AMZ2: variants seen among roughly 807,000 people sequenced by gnomAD.
AMZ2 encodes the protein archaelysin family metallopeptidase 2.
AMZ2 carries 26 observed loss-of-function variants against 36.7 expected under a neutral mutation model. The ratio of observed to expected loss-of-function variants is 0.71; its 90% CI spans 0.52 to 0.98. The LOEUF (loss-of-function observed/expected upper bound fraction) is 0.98. Among genes scored for constraint, AMZ2 ranks in the 50% least tolerant of loss-of-function variants. AMZ2 has a pLI of 0.00. For missense variants in AMZ2, 394 were observed against 430.5 expected, an observed-to-expected ratio of 0.92 and a Z score of 0.75; for synonymous variants, 144 against 149.1, an observed-to-expected ratio of 0.97 and a Z score of 0.25.
At chr17:68,214,614 C>A (rs1239293703) in intron 1 of AMZ2, among the ~76,000 whole-genome samples, 1 of 152,122 alleles carries the variant, frequency 6.6e-6, no homozygotes. Flanking sequence ...TAGAGACACC[C>A]CTCCTTGTTA....
intron 1 of AMZ2, among the ~76,000 whole-genome samples, chr17:68,218,564 A>C (rs1373474347): frequency 3.3e-5 from 5 of 152,186 alleles, no homozygotes; most frequent in African/African-American, 1.2e-4. Flanking sequence ...AAATCTATAC[A>C]GCTTTCTACT....
rs2074965347 is a variant in AMZ2 at position 68,257,104 on chromosome 17, A to G, written c.*135A>G. On this transcript the variant is annotated 3_prime_UTR_variant, in exon 7 of 7. Coordinates refer to ENST00000359904, the MANE Select transcript of AMZ2 (RefSeq NM_016627.5). ...AACAGACTAGAACCTTCTTTCAAGT[A>G]CCTGAATTGAAATGAAACTCATTTT... 3.6e-6 allele frequency: 3 copies of G among 836,654 alleles called. No individual in the cohort carries two copies. The highest frequency in any genetic ancestry group is 1.8e-5 in the African/African-American group (1 of 56,652). 51.8% of individuals were successfully genotyped at this position (836,654 alleles called of 1,614,324 possible). A position where few individuals can be genotyped will look rare whatever the true frequency, so the allele number is the denominator to read the frequency against.
At chr17:68,253,738 T>C (rs115399823) in intron 4 of AMZ2, among the ~76,000 whole-genome samples, 2,428 of 149,340 alleles carry the variant, frequency 0.016, 57 homozygotes, top group African/African-American at 0.057. Flanking sequence ...AGTGAAATCA[T>C]GACTTCCTAT....
At chr17:68,221,469 C>G (rs1555728531) in intron 1 of AMZ2, among the ~76,000 whole-genome samples, 1 of 152,108 alleles carries the variant, frequency 6.6e-6, no homozygotes, top group African/African-American at 2.4e-5. Context: ...GTGGCTCACG[C>G]CTGTAATCCC....
chr17:68,251,487 C>T, intron 4 of AMZ2: 1 of 205,464 alleles, frequency 4.9e-6, no homozygotes, highest in South Asian at 8.7e-5. Context: ...GACCACATGT[C>T]TACAAAAAAA....
At position 68,248,302 on chromosome 17, in the gene AMZ2, T is replaced by C. The variant is rs1599397716; in HGVS notation, c.-404T>C. 25 of 985,890 alleles carry C rather than the reference T, an allele frequency of 2.5e-5. 2 individuals carry two copies. In the African/African-American group the frequency reaches 2.6e-4, roughly 10 times the overall value. 61.1% of individuals were successfully genotyped at this position (985,890 alleles called of 1,614,324 possible). ...CCAGGGAGGCCTTTCCCGAGGCTCC[T>C]GGGGAAGAAGAGGCGAAGCGAGAGT... On this transcript the variant is annotated 5_prime_UTR_variant, in exon 1 of 7. Coordinates refer to ENST00000359904, the MANE Select transcript of AMZ2 (RefSeq NM_016627.5).
At chr17:68,224,542 C>CTTT (rs34837469) in intron 1 of AMZ2, among the ~76,000 whole-genome samples, 36 of 137,180 alleles carry the variant, frequency 2.6e-4, no homozygotes, top group East Asian at 2.6e-3. Flanking sequence ...TTGGGGGTAG[C>CTTT]TTTTTTTTTT....
intron 1 of AMZ2, among the ~76,000 whole-genome samples, chr17:68,210,550 T>C (rs2073012905): frequency 6.6e-6 from 1 of 152,176 alleles, no homozygotes; most frequent in South Asian, 2.1e-4. Flanking sequence ...GGGGAGTTAG[T>C]GCTTAATAGG....
chr17:68,211,895 G>A (rs72847817), intron 1 of AMZ2, among the ~76,000 whole-genome samples: 27,020 of 136,728 alleles, frequency 0.2, 3,885 homozygotes, highest in Non-Finnish European at 0.24. Flanking sequence ...TATATGCCTT[G>A]AGTCTTTTTT....
At chr17:68,237,258 C>T (rs1555732816) in intron 1 of AMZ2, among the ~76,000 whole-genome samples, 1 of 152,162 alleles carries the variant, frequency 6.6e-6, no homozygotes, top group African/African-American at 2.4e-5. Flanking sequence ...ATGTGCACCA[C>T]GAAAAAGTCT....
At chr17:68,253,486 G>A (rs1366879057) in intron 4 of AMZ2, among the ~76,000 whole-genome samples, 2 of 152,150 alleles carry the variant, frequency 1.3e-5, no homozygotes, top group Non-Finnish European at 2.9e-5. Context: ...TGTAACACAG[G>A]AAGTCAGTTA....
intron 5 of AMZ2, 31 bp from the exon 6 acceptor site, chr17:68,255,669 C>G: frequency 6.3e-7 from 1 of 1,598,996 alleles, no homozygotes; most frequent in Non-Finnish European, 8.6e-7. Flanking sequence ...TGATGGTGGT[C>G]TTATAAAGCC....
At chr17:68,239,908 C>T (rs1294814143) in intron 1 of AMZ2, among the ~76,000 whole-genome samples, 1 of 152,118 alleles carries the variant, frequency 6.6e-6, no homozygotes, top group Admixed American at 6.5e-5. Context: ...GAGGAAACAA[C>T]AGAACAAATC....
intron 1 of AMZ2, among the ~76,000 whole-genome samples, chr17:68,223,564 A>C (rs2073423601): frequency 6.6e-6 from 1 of 151,652 alleles, no homozygotes; most frequent in South Asian, 2.1e-4. Flanking sequence ...TTTGAGATGG[A>C]GTTTCTCTCT....
intron 1 of AMZ2, among the ~76,000 whole-genome samples, chr17:68,216,987 T>C (rs1224442918): frequency 2.0e-5 from 3 of 150,422 alleles, no homozygotes; most frequent in East Asian, 3.9e-4. Context: ...GAGCCGAGTT[T>C]GCGCCCCTGC....
At chr17:68,249,544 C>T (rs2074282119) in intron 1 of AMZ2, 1 of 152,354 alleles carries the variant, frequency 6.6e-6, no homozygotes, top group East Asian at 1.9e-4. Context: ...AGTAATCCTT[C>T]TGCCTTGGCC....
rs2074181565 is a variant in AMZ2, at chr17:68,248,451, GAT to G, written c.-254_-253del. ...GGCCAGCTCCTTCCCGTTTGCCCGT[GAT>G]GTTCTGGTTTTGGGACCAAAGCATC... On this transcript the variant is annotated 5_prime_UTR_variant, in exon 1 of 7. An upstream start codon of the reference 5' UTR is lost. Transcript: ENST00000359904. 1.8e-5 allele frequency: 18 copies of G among 986,268 alleles called. No individual in the cohort carries two copies. Among genetic ancestry groups the G allele is most frequent in the Non-Finnish European group, 2.2e-5 (18 of 830,244 alleles). The allele number at this position is 986,268 out of a possible 1,614,324, so 61.1% of individuals were successfully genotyped here. A position where few individuals can be genotyped will look rare whatever the true frequency, so the allele number is the denominator to read the frequency against.
chr17:68,250,665 A>G (rs2074386475), intron 2 of AMZ2, 129 bp from the exon 3 acceptor site: 2 of 1,172,596 alleles, frequency 1.7e-6, no homozygotes, highest in South Asian at 1.6e-5. Flanking sequence ...AGCAACACCA[A>G]TGAATGATAA....
intron 1 of AMZ2, among the ~76,000 whole-genome samples, chr17:68,209,126 T>C (rs34593162): frequency 0.22 from 34,142 of 151,994 alleles, 4,020 homozygotes; most frequent in South Asian, 0.28. Context: ...AGGAATGAAT[T>C]CAGTGTCAGA....
Sources: allele counts gnomAD v4.1 joint callset (sites outside exome capture counted in the v4.1 genomes callset), GRCh38; gene constraint gnomAD v4.1.1; transcripts MANE v1.5; gene names NCBI Gene and HGNC (gene_info 2026-07-23, HGNC 2026-07-21).